RP9: variants seen among roughly 807,000 people sequenced by gnomAD.
The protein encoded by RP9 is RP9 pre-mRNA splicing factor, also known as retinitis pigmentosa 9 protein.
RP9 carries 23 observed loss-of-function variants against 32.6 expected under a neutral mutation model. That is an observed-to-expected ratio of 0.71 (90% CI 0.51 to 1.00). The LOEUF (loss-of-function observed/expected upper bound fraction) is 1.00, where lower values mean the gene tolerates loss of function less well. Among genes scored for constraint, RP9 ranks in the 50% least tolerant of loss-of-function variants. RP9 has a pLI of 0.00. For synonymous variants in RP9, 94 were observed against 103.6 expected, an observed-to-expected ratio of 0.91 and a Z score of 0.56; for missense variants, 245 against 285.3, an observed-to-expected ratio of 0.86 and a Z score of 1.02.
chr7:33,097,303 T>C lies in RP9; in HGVS notation c.373A>G (p.Lys125Glu), dbSNP rs757707033. 7 of 1,613,920 alleles carry C rather than the reference T, an allele frequency of 4.3e-6. No homozygotes were observed. Among genetic ancestry groups the C allele is most frequent in the Non-Finnish European group, 5.9e-6 (7 of 1,179,926 alleles). Residue 125 changes from lysine to glutamate, a missense_variant, in exon 4 of 6, where the codon AAA becomes GAA. Physicochemically the swap from Lys to Glu is moderately conservative, Grantham distance 56. Around this residue, in one of 2 missense-constraint regions of RP9, gnomAD observed 182 missense variants for 175.5 expected, o/e 1.04. Transcript: ENST00000297157. ...TGDKECPFFI[K>E]GNQKLEQFRV... Reference sequence around the variant, plus strand: ...AACTGCTCTAACTTTTGGTTGCCTTTGATAAAGAAAGGGCATTCTTTGTCA... The same window carrying C: ...AACTGCTCTAACTTTTGGTTGCCTTCGATAAAGAAAGGGCATTCTTTGTCA...
rs1352018725 is a variant in RP9, at chr7:33,109,353, C to T, written c.20G>A (p.Arg7His). MSSRPG[R>H]EDVGAAGARR... ...CGCGCCCGCAGCCCCCACGTCCTCGCGCCCAGGCCGGGACGACATGTCAGC... is the reference window on the plus strand; with the variant it reads ...CGCGCCCGCAGCCCCCACGTCCTCGTGCCCAGGCCGGGACGACATGTCAGC... Residue 7 changes from arginine to histidine, a missense_variant, in exon 1 of 6, where the codon CGC becomes CAC. Arg to His is a conservative substitution (Grantham distance 29). Transcript: ENST00000297157. This position sits in a 1 kb window ranked among gnomAD's most constrained non-coding sequence, Gnocchi z 4.9. 2 of 1,432,502 alleles carry T rather than the reference C, an allele frequency of 1.4e-6. No individual in the cohort carries two copies. Among genetic ancestry groups the T allele is most frequent in the South Asian group, 2.7e-5 (2 of 74,640 alleles). 88.7% of individuals were successfully genotyped at this position (1,432,502 alleles called of 1,614,324 possible).
At position 33,095,405 on chromosome 7, in the gene RP9, C is replaced by T; in HGVS notation, c.495G>A (p.Glu165=). ...TCCTATCTTCATCTGAGGTAGAATC[C>T]TCCAGTAACTGTTTTAACTGCTGTA... ...VRIQQLKQLL[E]DSTSDEDRSS... Residue 165 remains glutamate, a synonymous_variant, in exon 6 of 6, where the codon GAG becomes GAA. Transcript: ENST00000297157. 1 of 1,613,840 alleles carries T rather than the reference C, an allele frequency of 6.2e-7. No homozygotes were observed.
intron 1 of RP9, among the ~76,000 whole-genome samples, chr7:33,101,484 C>T (rs1323641989): frequency 6.6e-6 from 1 of 152,034 alleles, no homozygotes; most frequent in Non-Finnish European, 1.5e-5. Context: ...TGCCTGTAAT[C>T]CCAGCTACTC....
intron 3 of RP9, among the ~76,000 whole-genome samples, chr7:33,098,705 T>C (rs911777146): frequency 1.3e-5 from 2 of 152,198 alleles, no homozygotes. Context: ...CAATGAAGCA[T>C]TCCCATCAAA....
In RP9 at chr7:33,098,378, TG is replaced by T. The variant is rs2128032128; in HGVS notation, c.313+928del. Among the ~76,000 whole-genome samples the T allele has an allele frequency of 1.3e-5, 2 of 152,266 alleles. 1 individual carries two copies. The highest frequency in any genetic ancestry group is 4.1e-4 in the South Asian group (2 of 4,822). On this transcript the variant is annotated intron_variant, in intron 3 of 5. Coordinates refer to ENST00000297157, the MANE Select transcript of RP9 (RefSeq NM_203288.2). The stretch of plus-strand genomic sequence containing the variant: ...CAGCCCGGGTGACAGAGTGAGACCC[TG>T]TTTTCCTGACCCTGGTAGAAGGTTG...
rs1788308820 is a variant in RP9, at chr7:33,095,083, C to T, written c.*151G>A. ...GGAGACACTCCCTCTCCTGGGGTCACATCTTCACTGCAAGGCGGGTGGGAG... is the reference window on the plus strand; with the variant it reads ...GGAGACACTCCCTCTCCTGGGGTCATATCTTCACTGCAAGGCGGGTGGGAG... On this transcript the variant is annotated 3_prime_UTR_variant, in exon 6 of 6. Coordinates refer to ENST00000297157, the MANE Select transcript of RP9 (RefSeq NM_203288.2). 1.5e-6 allele frequency: 1 copy of T among 663,276 alleles called. No homozygotes were observed. Among genetic ancestry groups the T allele is most frequent in the South Asian group, 1.9e-5 (1 of 52,286 alleles). 41.1% of individuals were successfully genotyped at this position (663,276 alleles called of 1,614,324 possible). A position where few individuals can be genotyped will look rare whatever the true frequency, so the allele number is the denominator to read the frequency against.
chr7:33,097,478 A>G, intron 3 of RP9, 116 bp from the exon 4 acceptor site: 6 of 740,488 alleles, frequency 8.1e-6, no homozygotes, highest in Admixed American at 2.4e-5. Context: ...AAAACAAAAT[A>G]TAATTATGGA....
chr7:33,105,519 A>T (rs1445497032), intron 1 of RP9, among the ~76,000 whole-genome samples: 3 of 148,260 alleles, frequency 2.0e-5, no homozygotes, highest in Admixed American at 6.8e-5. Flanking sequence ...TGGAACTTTT[A>T]AAAAAATATT....
intron 3 of RP9, chr7:33,099,081 G>A (rs904032024): frequency 5.0e-6 from 3 of 604,288 alleles, no homozygotes; most frequent in East Asian, 5.7e-5. Context: ...CAGCAAGGTG[G>A]GTTTGTGGTG....
intron 1 of RP9, among the ~76,000 whole-genome samples, chr7:33,106,920 G>C (rs1268552360): frequency 6.6e-6 from 1 of 151,746 alleles, no homozygotes; most frequent in African/African-American, 2.4e-5. Flanking sequence ...CTCCAGCCTG[G>C]GTGACAGAGC....
intron 1 of RP9, among the ~76,000 whole-genome samples, chr7:33,108,325 T>G (rs1381260655): frequency 1.3e-5 from 2 of 152,148 alleles, no homozygotes; most frequent in Non-Finnish European, 2.9e-5. Flanking sequence ...GAGGTCTGTG[T>G]TAGAATTTAG....
chr7:33,108,847 A>C (rs1156564260), intron 1 of RP9, among the ~76,000 whole-genome samples: 1 of 152,194 alleles, frequency 6.6e-6, no homozygotes, highest in Non-Finnish European at 1.5e-5. Flanking sequence ...GCCCAGCTTA[A>C]GAACTTAGAA....
At chr7:33,108,838 C>A (rs1417995517) in intron 1 of RP9, among the ~76,000 whole-genome samples, 1 of 152,186 alleles carries the variant, frequency 6.6e-6, no homozygotes, top group Non-Finnish European at 1.5e-5. Context: ...TAATTTGTGG[C>A]CCAGCTTAAG....
chr7:33,100,850 C>A, intron 1 of RP9: 1 of 563,606 alleles, frequency 1.8e-6, no homozygotes, highest in Non-Finnish European at 3.4e-6. Context: ...ATGGGACAGG[C>A]AGCAAGATGG....
chr7:33,099,424 T>C lies in RP9; in HGVS notation c.196A>G (p.Lys66Glu), dbSNP rs1788393854. ...PPGLIKEDETKPEDCIPDVPG... is the reference protein window; with the variant it reads ...PPGLIKEDETEPEDCIPDVPG... ...ACATCTGGTATGCAATCTTCTGGCT[T>C]AGTCTCATCTTCCTAAAAAAGGGAA... Residue 66 changes from lysine (K) to glutamate (E), a missense_variant, in exon 3 of 6, where the codon AAG becomes GAG. By Grantham distance (56) the Lys-to-Glu change is moderately conservative. Around this residue, in one of 2 missense-constraint regions of RP9, gnomAD observed 182 missense variants for 175.5 expected, o/e 1.04. Transcript: ENST00000297157. 3 of 1,612,962 alleles carry C rather than the reference T, an allele frequency of 1.9e-6. No individual in the cohort carries two copies. The highest frequency in any genetic ancestry group is 2.2e-5 in the East Asian group (1 of 44,832).
chr7:33,096,577 G>C (rs1401602716), intron 4 of RP9, 23 bp from the exon 5 acceptor site: 17 of 1,529,742 alleles, frequency 1.1e-5, no homozygotes, highest in Non-Finnish European at 1.5e-5. Flanking sequence ...AGAAGGTTAA[G>C]GTTTGGTTAG....
Position 33,109,083 on chromosome 7 carries a change from A to G in RP9, c.152+138T>C. The G allele has an allele frequency of 7.8e-7, 1 of 1,275,692 alleles. No homozygotes were observed. The highest frequency in any genetic ancestry group is 1.0e-6 in the Non-Finnish European group (1 of 1,001,404). 79.0% of individuals were successfully genotyped at this position (1,275,692 alleles called of 1,614,324 possible). A position where few individuals can be genotyped will look rare whatever the true frequency, so the allele number is the denominator to read the frequency against. Reference sequence around the variant, plus strand: ...GCGCCCGACATCGGTCGCCCGCACCAGGCTCCTGCCGGGCCCAGCCCCCCT... The same window carrying G: ...GCGCCCGACATCGGTCGCCCGCACCGGGCTCCTGCCGGGCCCAGCCCCCCT... On this transcript the variant is annotated intron_variant, in intron 1 of 5. Transcript: ENST00000297157. The surrounding 1 kb of genome is among the most constrained non-coding windows in gnomAD (Gnocchi z 4.9).
chr7:33,104,070 T>C (rs545054074), intron 1 of RP9, among the ~76,000 whole-genome samples: 1 of 152,248 alleles, frequency 6.6e-6, no homozygotes, highest in Admixed American at 6.5e-5. Context: ...AAAAGCTTTT[T>C]GATTTAGAAA....
At chr7:33,102,481 T>C (rs1788439638) in intron 1 of RP9, among the ~76,000 whole-genome samples, 1 of 152,154 alleles carries the variant, frequency 6.6e-6, no homozygotes, top group Non-Finnish European at 1.5e-5. Context: ...CCAGCTGCAG[T>C]TAATTCTCAA....
Sources: allele counts gnomAD v4.1 joint callset (sites outside exome capture counted in the v4.1 genomes callset), GRCh38; gene constraint gnomAD v4.1.1; regional missense constraint gnomAD v4.1.1; non-coding constraint Gnocchi (gnomAD v3.1); transcripts MANE v1.5; gene names NCBI Gene and HGNC (gene_info 2026-07-23, HGNC 2026-07-21).